Variants in CRTAC1 observed in about 807,000 individuals in gnomAD.
CRTAC1 encodes acidic secreted protein in cartilage.
In CRTAC1, 37 loss-of-function variants were observed where a neutral mutation model predicts 67.8. That is an observed-to-expected ratio of 0.55 (90% CI 0.42 to 0.72). CRTAC1 has a LOEUF of 0.72. Ranked by LOEUF, CRTAC1 falls within the 30% of genes least tolerant of loss-of-function variation. The pLI is 0.00. For synonymous variants in CRTAC1, 348 were observed against 371.0 expected (o/e 0.94, Z 0.71); for missense variants, 780 against 931.6 (o/e 0.84, Z 2.12).
chr10:97,952,630 A>C (rs2051376515), intron 2 of CRTAC1, among the ~76,000 whole-genome samples: 1 of 151,734 alleles, frequency 6.6e-6, no homozygotes, highest in Non-Finnish European at 1.5e-5. Context: ...TCCAGGAATC[A>C]GCATTCCAAA....
chr10:97,989,300 A>T (rs1281126817), intron 2 of CRTAC1, among the ~76,000 whole-genome samples: 1 of 152,206 alleles, frequency 6.6e-6, no homozygotes, highest in African/African-American at 2.4e-5. Context: ...ACAGAGTCAT[A>T]TGTAAACAAC....
intron 3 of CRTAC1, among the ~76,000 whole-genome samples, chr10:97,927,280 A>G (rs1345201051): frequency 6.6e-6 from 1 of 152,158 alleles, no homozygotes; most frequent in Non-Finnish European, 1.5e-5. Flanking sequence ...GTGCCTGGAG[A>G]AAGGACTCTG....
At chr10:97,990,747 A>G (rs7090274) in intron 2 of CRTAC1, among the ~76,000 whole-genome samples, 6,721 of 152,300 alleles carry the variant, frequency 0.044, 490 homozygotes, top group African/African-American at 0.15. Flanking sequence ...TGCCTTGCAC[A>G]TGGTAGCTTA....
At chr10:97,979,242 G>A (rs971001412) in intron 2 of CRTAC1, among the ~76,000 whole-genome samples, 4 of 152,166 alleles carry the variant, frequency 2.6e-5, no homozygotes, top group Admixed American at 1.3e-4. Flanking sequence ...TCCTTGAAGG[G>A]TGGTCTCCTG....
chr10:97,995,560 G>T (rs933527650), intron 2 of CRTAC1, among the ~76,000 whole-genome samples: 1 of 152,110 alleles, frequency 6.6e-6, no homozygotes, highest in Non-Finnish European at 1.5e-5. Flanking sequence ...TACCACTACA[G>T]AACAAGTAGA....
At chr10:97,909,646 G>C (rs1006563342) in intron 5 of CRTAC1, among the ~76,000 whole-genome samples, 2 of 151,992 alleles carry the variant, frequency 1.3e-5, no homozygotes, top group Non-Finnish European at 2.9e-5. Flanking sequence ...ACAGTATAAG[G>C]CTCCTTAAAA....
chr10:97,932,617 A>G (rs913525653), intron 3 of CRTAC1, among the ~76,000 whole-genome samples: 2 of 152,152 alleles, frequency 1.3e-5, no homozygotes, highest in African/African-American at 4.8e-5. Flanking sequence ...CCTGGAGAAC[A>G]TCAGTGGGAA....
chr10:97,971,020 T>A (rs1426283431), intron 2 of CRTAC1, among the ~76,000 whole-genome samples: 1 of 152,218 alleles, frequency 6.6e-6, no homozygotes, highest in South Asian at 2.1e-4. Context: ...ATCAAAGAAG[T>A]GTGTGTTAAA....
At chr10:98,014,438 C>A (rs536152688) in intron 1 of CRTAC1, among the ~76,000 whole-genome samples, 1 of 151,758 alleles carries the variant, frequency 6.6e-6, no homozygotes, top group Non-Finnish European at 1.5e-5. Context: ...AAAGCACAGG[C>A]AACAAAAGAA....
At chr10:97,980,099 T>G (rs995403180) in intron 2 of CRTAC1, among the ~76,000 whole-genome samples, 1 of 152,156 alleles carries the variant, frequency 6.6e-6, no homozygotes, top group Non-Finnish European at 1.5e-5. Context: ...CAGGAAAGTT[T>G]CTTAAATCTT....
At chr10:98,014,223 A>C (rs1462577135) in intron 1 of CRTAC1, among the ~76,000 whole-genome samples, 1 of 152,206 alleles carries the variant, frequency 6.6e-6, no homozygotes, top group South Asian at 2.1e-4. Flanking sequence ...CATCGGCATC[A>C]CTTAGGAGCT....
chr10:97,973,192 T>TA (rs1252352489), intron 2 of CRTAC1, among the ~76,000 whole-genome samples: 5 of 152,178 alleles, frequency 3.3e-5, no homozygotes, highest in African/African-American at 4.8e-5. Context: ...AAAAGTAAGT[T>TA]AAAAATATCT....
intron 2 of CRTAC1, among the ~76,000 whole-genome samples, chr10:97,947,118 G>T (rs946990338): frequency 6.6e-6 from 1 of 152,208 alleles, no homozygotes; most frequent in East Asian, 1.9e-4. Flanking sequence ...GGACAGAATA[G>T]TTGGGGCAAG....
chr10:98,021,440 T>C (rs549899079), intron 1 of CRTAC1, among the ~76,000 whole-genome samples: 3 of 152,302 alleles, frequency 2.0e-5, no homozygotes, highest in East Asian at 1.9e-4. Context: ...AGTGGGCTAA[T>C]GAAATGGTGT....
At chr10:97,947,907 A>T (rs2051290209) in intron 2 of CRTAC1, among the ~76,000 whole-genome samples, 1 of 152,142 alleles carries the variant, frequency 6.6e-6, no homozygotes, top group African/African-American at 2.4e-5. Flanking sequence ...TAAATAAAAT[A>T]ATAATTAAGA....
intron 2 of CRTAC1, among the ~76,000 whole-genome samples, chr10:98,006,499 A>G (rs908594023): frequency 2.0e-5 from 3 of 152,338 alleles, no homozygotes; most frequent in Admixed American, 2.0e-4. Context: ...TGCTCCTCCC[A>G]GAGTCAGAGA....
intron 2 of CRTAC1, among the ~76,000 whole-genome samples, chr10:98,009,918 C>T (rs371819665): frequency 8.5e-5 from 13 of 152,242 alleles, no homozygotes; most frequent in African/African-American, 3.1e-4. Flanking sequence ...CCCCATCTGC[C>T]TTTTCTCTCA....
At position 97,886,486 on chromosome 10, in the gene CRTAC1, G is replaced by A. The variant is rs148504670; in HGVS notation, c.1487-2135C>T. ...ACACAGCTCAGTTTCTCTTCCCACA[G>A]GGAAATCCTCTCTTTCCAGGCCCAA... is the stretch of plus-strand genomic sequence containing the variant. On this transcript the variant is annotated intron_variant, in intron 11 of 14. Transcript: ENST00000370597. Among the ~76,000 whole-genome samples, 611 of 152,274 alleles carry A rather than the reference G, an allele frequency of 4.0e-3. 7 individuals are homozygous for A. The highest frequency in any genetic ancestry group is 0.014 in the African/African-American group (583 of 41,556).
At chr10:97,970,359 C>A (rs537395431) in intron 2 of CRTAC1, among the ~76,000 whole-genome samples, 4 of 152,160 alleles carry the variant, frequency 2.6e-5, no homozygotes, top group Admixed American at 2.0e-4. Context: ...AAGTGCAAGT[C>A]GCATCATGTC....
Sources: gnomAD v4.1 joint callset for allele counts (sites outside exome capture counted in the v4.1 genomes callset) on GRCh38, gnomAD v4.1.1 for gene constraint, MANE v1.5 for transcripts, NCBI Gene and HGNC (gene_info 2026-07-23, HGNC 2026-07-21) for gene names.